TSC22D1: variants seen among roughly 807,000 people sequenced by gnomAD.
TSC22D1 encodes TSC22 domain family protein 1.
Under a neutral mutation model 74.2 loss-of-function variants are expected in TSC22D1, and 9 were observed. The ratio of observed to expected loss-of-function variants is 0.12; its 90% confidence interval spans 0.07 to 0.21. The LOEUF (loss-of-function observed/expected upper bound fraction) is 0.21. Among genes scored for constraint, TSC22D1 ranks in the 10% least tolerant of loss-of-function variants. The pLI is 1.00. For missense variants in TSC22D1, 1,427 were observed against 1,304.7 expected, an observed-to-expected ratio of 1.09 and a Z score of -1.44; for synonymous variants, 586 against 492.5, an observed-to-expected ratio of 1.19 and a Z score of -2.51.
chr13:44,575,344 A>G lies in TSC22D1; in HGVS notation c.731T>C (p.Val244Ala). The G allele has an allele frequency of 6.2e-7, 1 of 1,614,176 alleles. No homozygotes were observed. The highest frequency in any genetic ancestry group is 1.1e-5 in the South Asian group (1 of 91,076). Residue 244 changes from valine to alanine, a missense_variant, in exon 1 of 3, where the codon GTG (valine) becomes GCG (alanine). Val to Ala is a moderately conservative substitution (Grantham distance 64, BLOSUM62 0). This residue lies in a region of TSC22D1 where 1,343 missense variants were observed against 1,191.5 expected (regional missense o/e 1.13). Transcript: ENST00000458659. ...CCCACCAGTAATGGATGCACTGGCC[A>G]CAGCAACATGAGATGGATGGTGGTG... ...HGHHHPSHVAVASASITGGPP... is the reference protein window; with the variant it reads ...HGHHHPSHVAAASASITGGPP...
chr13:44,463,671 A>C (rs952454043), intron 1 of TSC22D1, among the ~76,000 whole-genome samples: 12 of 152,208 alleles, frequency 7.9e-5, no homozygotes, highest in African/African-American at 1.2e-4. Context: ...ATGTATTTGC[A>C]AATTAATGGC....
chr13:44,534,378 A>G (rs1881030022), intron 1 of TSC22D1, among the ~76,000 whole-genome samples: 1 of 151,722 alleles, frequency 6.6e-6, no homozygotes, highest in East Asian at 1.9e-4. Context: ...AAAAAAAAAA[A>G]AAAGCCAAAA....
At chr13:44,452,833 T>C (rs896135134) in intron 1 of TSC22D1, 2 of 152,266 alleles carry the variant, frequency 1.3e-5, no homozygotes, top group African/African-American at 4.8e-5. Context: ...GTAAGGTAAG[T>C]GCTTGGCTAA....
At chr13:44,470,077 C>T (rs1444822007) in intron 1 of TSC22D1, among the ~76,000 whole-genome samples, 7 of 152,206 alleles carry the variant, frequency 4.6e-5, no homozygotes. Flanking sequence ...GCCCTCTCCT[C>T]TCCCCTTAAG....
At chr13:44,517,853 ATATATTTT>A (rs1880114802) in intron 1 of TSC22D1, among the ~76,000 whole-genome samples, 3 of 23,260 alleles carry the variant, frequency 1.3e-4, no homozygotes, top group African/African-American at 3.0e-4. Context: ...ATATATATAT[ATATATTTT>A]TTTTTTTTTT....
chr13:44,574,927 T>C lies in TSC22D1; in HGVS notation c.1148A>G (p.Asn383Ser). The C allele has an allele frequency of 6.2e-7, 1 of 1,614,048 alleles. No homozygotes were observed. Among genetic ancestry groups the C allele is most frequent in the Non-Finnish European group, 8.5e-7 (1 of 1,180,004 alleles). The part of the protein sequence containing the change: ...SSSAAVSSVP[N>S]AAAGMTGGSV... Reference sequence around the variant, plus strand: ...TCCCCCAGTCATCCCTGCAGCTGCATTAGGAACACTGCTAACAGCAGCAGA... The same window carrying C: ...TCCCCCAGTCATCCCTGCAGCTGCACTAGGAACACTGCTAACAGCAGCAGA... The change falls in exon 1 of 3, where the codon AAT (asparagine) becomes AGT (serine). Residue 383 changes from asparagine to serine, a missense_variant. Physicochemically the swap from Asn to Ser is conservative, Grantham distance 46. Around this residue, in one of 3 missense-constraint regions of TSC22D1, gnomAD observed 1,343 missense variants for 1,191.5 expected, o/e 1.13. Coordinates refer to ENST00000458659, the MANE Select transcript of TSC22D1 (RefSeq NM_183422.4).
intron 1 of TSC22D1, among the ~76,000 whole-genome samples, chr13:44,556,918 C>T (rs1040717957): frequency 2.0e-5 from 3 of 151,660 alleles, no homozygotes; most frequent in Admixed American, 6.6e-5. Context: ...CCGAGGCGGG[C>T]GGATCACCTG....
chr13:44,512,895 GC>G (rs1314496541), intron 1 of TSC22D1, among the ~76,000 whole-genome samples: 1 of 152,120 alleles, frequency 6.6e-6, no homozygotes, highest in Admixed American at 6.5e-5. Flanking sequence ...TGATCTGCCT[GC>G]CTCGGCCTCC....
At chr13:44,488,950 T>C (rs1878576119) in intron 1 of TSC22D1, among the ~76,000 whole-genome samples, 1 of 152,110 alleles carries the variant, frequency 6.6e-6, no homozygotes, top group Non-Finnish European at 1.5e-5. Flanking sequence ...ATAAAATTTG[T>C]ATGGAAGACC....
At chr13:44,486,094 G>A (rs897141605) in intron 1 of TSC22D1, among the ~76,000 whole-genome samples, 2 of 151,828 alleles carry the variant, frequency 1.3e-5, no homozygotes, top group African/African-American at 2.4e-5. Context: ...CAAGAATGGA[G>A]GGCAAAGCAT....
chr13:44,455,917 T>C (rs1375342928), intron 1 of TSC22D1, among the ~76,000 whole-genome samples: 1 of 151,842 alleles, frequency 6.6e-6, no homozygotes, highest in African/African-American at 2.4e-5. Flanking sequence ...CGGTAATTCA[T>C]CAAGTTGAAA....
chr13:44,503,283 C>T (rs746021276), intron 1 of TSC22D1, among the ~76,000 whole-genome samples: 46 of 152,156 alleles, frequency 3.0e-4, no homozygotes, highest in Middle Eastern at 3.4e-3. Context: ...TCCTAGTTCC[C>T]TCTGATAGTT....
chr13:44,570,645 A>G (rs970037813), intron 1 of TSC22D1, among the ~76,000 whole-genome samples: 1 of 152,192 alleles, frequency 6.6e-6, no homozygotes, highest in Non-Finnish European at 1.5e-5. Flanking sequence ...TAAGAGTATT[A>G]TTTCAAAAGA....
At chr13:44,558,813 G>T (rs1341199041) in intron 1 of TSC22D1, among the ~76,000 whole-genome samples, 1 of 152,162 alleles carries the variant, frequency 6.6e-6, no homozygotes, top group Non-Finnish European at 1.5e-5. Flanking sequence ...AAGGATTAGG[G>T]TGTGATATCA....
intron 1 of TSC22D1, among the ~76,000 whole-genome samples, chr13:44,498,331 C>A (rs1879067929): frequency 6.6e-6 from 1 of 151,656 alleles, no homozygotes. Context: ...AAACCAAAAA[C>A]AAAAACAACA....
At chr13:44,442,693 G>T (rs1183653209) in intron 1 of TSC22D1, among the ~76,000 whole-genome samples, 1 of 152,068 alleles carries the variant, frequency 6.6e-6, no homozygotes, top group Non-Finnish European at 1.5e-5. Flanking sequence ...GAGGCAGGTG[G>T]ATCTCTTTAG....
At chr13:44,536,011 G>A (rs1203019778) in intron 1 of TSC22D1, among the ~76,000 whole-genome samples, 2 of 151,618 alleles carry the variant, frequency 1.3e-5, no homozygotes, top group Non-Finnish European at 3.0e-5. Flanking sequence ...AATATACTGT[G>A]TCTGTAAACC....
At chr13:44,544,131 T>C (rs1881659972) in intron 1 of TSC22D1, among the ~76,000 whole-genome samples, 1 of 152,066 alleles carries the variant, frequency 6.6e-6, no homozygotes. Flanking sequence ...CATGTATCCA[T>C]CTCTTTTTGG....
intron 1 of TSC22D1, 41 bp downstream of exon 1, chr13:44,573,122 C>A: frequency 6.3e-7 from 1 of 1,590,768 alleles, no homozygotes; most frequent in Non-Finnish European, 8.6e-7. Flanking sequence ...AGATTAACTT[C>A]AAATCTGTTG....
Sources: allele counts gnomAD v4.1 joint callset (sites outside exome capture counted in the v4.1 genomes callset), GRCh38; gene constraint gnomAD v4.1.1; regional missense constraint gnomAD v4.1.1; transcripts MANE v1.5; gene names NCBI Gene and HGNC (gene_info 2026-07-23, HGNC 2026-07-21).